Variants in TFEB observed in about 807,000 individuals in gnomAD.
TFEB encodes transcription factor EB.
Under a neutral mutation model 48.0 loss-of-function variants are expected in TFEB, and 12 were observed. The observed-to-expected ratio is 0.25, with a 90% CI of 0.16 to 0.40. The LOEUF (loss-of-function observed/expected upper bound fraction) is 0.40. Among genes scored for constraint, TFEB ranks in the 10% least tolerant of loss-of-function variants. The pLI is 1.00. For missense variants in TFEB, 509 were observed against 640.3 expected (o/e 0.79, Z 2.21); for synonymous variants, 244 against 261.4 (o/e 0.93, Z 0.64).
At chr6:41,726,224 A>G in intron 1 of TFEB, among the ~76,000 whole-genome samples, 1 of 152,240 alleles carries the variant, frequency 6.6e-6, no homozygotes, top group South Asian at 2.1e-4. Context: ...GTAAAAGAAC[A>G]TGTCCAGCGC....
intron 1 of TFEB, among the ~76,000 whole-genome samples, chr6:41,722,839 T>G (rs1388509895): frequency 1.9e-4 from 29 of 152,194 alleles, no homozygotes; most frequent in Non-Finnish European, 1.2e-4. Context: ...AGGCACTTAG[T>G]GGGAGGCTGG....
intron 1 of TFEB, among the ~76,000 whole-genome samples, chr6:41,729,821 G>A (rs551352993): frequency 6.6e-6 from 1 of 152,332 alleles, no homozygotes; most frequent in Non-Finnish European, 1.5e-5. Context: ...GCCTTCAAAA[G>A]GGGACAGGCC....
At chr6:41,710,286 A>G (rs922528083) in intron 1 of TFEB, among the ~76,000 whole-genome samples, 5 of 152,144 alleles carry the variant, frequency 3.3e-5, no homozygotes, top group Non-Finnish European at 4.4e-5. Flanking sequence ...AGCTCCCACC[A>G]TGTGGTCATG....
intron 1 of TFEB, among the ~76,000 whole-genome samples, chr6:41,696,505 C>T (rs1769591944): frequency 6.6e-6 from 1 of 151,964 alleles, no homozygotes; most frequent in Admixed American, 6.6e-5. Context: ...CCAGCCTGGC[C>T]AACGTGGTGA....
At chr6:41,698,583 G>A (rs915988061) in intron 1 of TFEB, among the ~76,000 whole-genome samples, 3 of 152,220 alleles carry the variant, frequency 2.0e-5, no homozygotes, top group African/African-American at 7.2e-5. Flanking sequence ...TGGGAGGCCT[G>A]TTTAAGCCAT....
At position 41,691,559 on chromosome 6, in the gene TFEB, A is replaced by G; in HGVS notation, c.-22-324T>C. The G allele has an allele frequency of 1.9e-6, 1 of 537,544 alleles. No homozygotes were observed. The highest frequency in any genetic ancestry group is 1.9e-5 in the South Asian group (1 of 51,602). 33.3% of individuals were successfully genotyped at this position (537,544 alleles called of 1,614,324 possible). On this transcript the variant is annotated intron_variant, in intron 1 of 8. Transcript: ENST00000373033. This position sits in a 1 kb window ranked among gnomAD's most constrained non-coding sequence, Gnocchi z 5.2. The stretch of plus-strand genomic sequence containing the variant: ...TCCTGATCCTGTTAGATCCGACCTC[A>G]TATCCACCCTCCTTTGCTGCCACAA...
intron 6 of TFEB, 57 bp downstream of exon 6, chr6:41,687,696 C>T: frequency 6.2e-7 from 1 of 1,609,278 alleles, no homozygotes; most frequent in East Asian, 2.2e-5. Context: ...GCTTTTTAGC[C>T]AGCCCAGGTG....
In TFEB at chr6:41,684,614, C is replaced by T. The variant is rs1000504601; in HGVS notation, c.1416G>A (p.Glu472=). ...SSRRSSFSME[E]GDVL ...GCAGCCAGGGTCACAGCACATCGCC[C>T]TCCTCCATGCTGAAGCTGCTCCGGC... is the stretch of plus-strand genomic sequence containing the variant. The change falls in exon 9 of 9, where the codon GAG becomes GAA. Residue 472 remains glutamate, a synonymous_variant. Coordinates refer to ENST00000373033, the MANE Select transcript of TFEB (RefSeq NM_001271944.2). 1.3e-6 allele frequency: 2 copies of T among 1,590,286 alleles called. No individual in the cohort carries two copies. The highest frequency in any genetic ancestry group is 1.7e-6 in the Non-Finnish European group (2 of 1,168,338).
In TFEB at chr6:41,690,755, G is replaced by A. The variant is rs1194690438; in HGVS notation, c.376C>T (p.Arg126Ter). The change falls in exon 3 of 9, where the codon CGA becomes TGA. Residue 126 changes from arginine to a stop codon, truncating the protein, a stop_gained. Coordinates refer to ENST00000373033, the MANE Select transcript of TFEB (RefSeq NM_001271944.2). LOFTEE classifies it high-confidence loss of function. ...KPPPAASPGV[R>*]AGHVLSSSAG... is the part of the protein sequence containing the mutation. ...GAGGAGGACAGCACGTGTCCAGCTC[G>A]CACCCCTGGGGAGGCGGCTGGTGGG... 3.1e-6 allele frequency: 5 copies of A among 1,606,334 alleles called. No homozygotes were observed. The highest frequency in any genetic ancestry group is 2.6e-6 in the Non-Finnish European group (3 of 1,175,350).
intron 1 of TFEB, 67 bp downstream of exon 1, chr6:41,735,283 G>T: frequency 1.0e-6 from 1 of 982,850 alleles, no homozygotes; most frequent in Non-Finnish European, 1.2e-6. Context: ...CACGGGATAG[G>T]GGCCAGGGAG....
rs1771111261 is a variant in TFEB at position 41,724,204 on chromosome 6, T to G, written c.-23+11146A>C. On this transcript the variant is annotated intron_variant, in intron 1 of 8. Transcript: ENST00000373033. The surrounding 1 kb of genome is among the most constrained non-coding windows in gnomAD (Gnocchi z 4.4). ...TGGTTCCTCAGCCCCCCAGCACTTT[T>G]TTAGCAGCCTGCCAAAGAGACTGGG... Among the ~76,000 whole-genome samples, 1 of 152,226 alleles carries G rather than the reference T, an allele frequency of 6.6e-6. No individual in the cohort carries two copies. The highest frequency in any genetic ancestry group is 1.5e-5 in the Non-Finnish European group (1 of 68,034).
chr6:41,689,620 C>A, intron 4 of TFEB, 111 bp downstream of exon 4: 1 of 776,940 alleles, frequency 1.3e-6, no homozygotes, highest in Non-Finnish European at 2.2e-6. Flanking sequence ...CAGAAACATG[C>A]CAGCTCTGCC....
In TFEB at chr6:41,734,350, C is replaced by G; in HGVS notation, c.-23+1000G>C. The stretch of plus-strand genomic sequence containing the variant: ...GCTGGGGCGCGCCAGGCGGCTGCGG[C>G]GCGAACCTGCTCGCGCAGCCCGGAG... On this transcript the variant is annotated intron_variant, in intron 1 of 8. Transcript: ENST00000373033. The surrounding 1 kb of genome is among the most constrained non-coding windows in gnomAD (Gnocchi z 4.0). 3.0e-6 allele frequency: 3 copies of G among 984,776 alleles called. No homozygotes were observed. Among genetic ancestry groups the G allele is most frequent in the Non-Finnish European group, 3.6e-6 (3 of 829,660 alleles). 61.0% of individuals were successfully genotyped at this position (984,776 alleles called of 1,614,324 possible). A position where few individuals can be genotyped will look rare whatever the true frequency, so the allele number is the denominator to read the frequency against.
At chr6:41,699,377 T>C (rs769611656) in intron 1 of TFEB, among the ~76,000 whole-genome samples, 18 of 152,214 alleles carry the variant, frequency 1.2e-4, no homozygotes, top group African/African-American at 4.3e-4. Context: ...CATACACACA[T>C]ACACACCATC....
intron 1 of TFEB, among the ~76,000 whole-genome samples, chr6:41,710,770 G>T (rs896658741): frequency 6.6e-6 from 1 of 151,948 alleles, no homozygotes; most frequent in African/African-American, 2.4e-5. Flanking sequence ...CCCAATCTGG[G>T]CCCCCAGACC....
chr6:41,721,372 TAC>T (rs58269771), intron 1 of TFEB, among the ~76,000 whole-genome samples: 3,564 of 144,182 alleles, frequency 0.025, 80 homozygotes, highest in African/African-American at 0.056. Flanking sequence ...TAGGCACACA[TAC>T]ACACACACAC....
intron 4 of TFEB, 129 bp from the exon 5 acceptor site, chr6:41,688,157 T>C: frequency 1.7e-6 from 2 of 1,147,000 alleles, no homozygotes; most frequent in East Asian, 5.0e-5. Context: ...CCTTGGGCCC[T>C]TTCACCCAGC....
intron 1 of TFEB, among the ~76,000 whole-genome samples, chr6:41,718,204 TTTTG>T (rs563610530): frequency 6.6e-6 from 1 of 151,964 alleles, no homozygotes; most frequent in Non-Finnish European, 1.5e-5. Flanking sequence ...TGTTGTTTTA[TTTTG>T]TTTGTTTGTT....
chr6:41,716,844 G>A (rs1770756577), intron 1 of TFEB, among the ~76,000 whole-genome samples: 1 of 152,144 alleles, frequency 6.6e-6, no homozygotes, highest in Non-Finnish European at 1.5e-5. Context: ...ACCCAGCCTG[G>A]CCTACCCCCT....
Sources: allele counts gnomAD v4.1 joint callset (sites outside exome capture counted in the v4.1 genomes callset), GRCh38; gene constraint gnomAD v4.1.1; non-coding constraint Gnocchi (gnomAD v3.1); transcripts MANE v1.5; gene names NCBI Gene and HGNC (gene_info 2026-07-23, HGNC 2026-07-21).